Variants in IFT122 observed in about 807,000 individuals in gnomAD.
IFT122 encodes the protein intraflagellar transport 122, also known as intraflagellar transport protein 122 homolog.
In IFT122, 118 loss-of-function variants were observed where a neutral mutation model predicts 161.6. The ratio of observed to expected loss-of-function variants is 0.73; its 90% confidence interval spans 0.63 to 0.85. IFT122 has a LOEUF of 0.85. Ranked by LOEUF, IFT122 falls within the 40% of genes least tolerant of loss-of-function variation. The probability of loss-of-function intolerance (pLI) is 0.00; values close to 1 mark genes in which losing one functional copy is unlikely to be tolerated. For missense variants in IFT122, 1,381 were observed against 1,579.6 expected (o/e 0.87, Z 2.13); for synonymous variants, 550 against 602.4 (o/e 0.91, Z 1.27).
chr3:129,501,331 G>T (rs1577980672), intron 19 of IFT122, among the ~76,000 whole-genome samples: 1 of 152,298 alleles, frequency 6.6e-6, no homozygotes, highest in African/African-American at 2.4e-5. Flanking sequence ...ACAGGTAGCA[G>T]TGGCCCAGCC....
chr3:129,518,175 T>G (rs2084247806), intron 27 of IFT122, among the ~76,000 whole-genome samples: 1 of 152,186 alleles, frequency 6.6e-6, no homozygotes, highest in Non-Finnish European at 1.5e-5. Context: ...TCAGGAGCAG[T>G]GCCAGCCCCA....
At chr3:129,502,257 C>T (rs1277246989) in intron 19 of IFT122, among the ~76,000 whole-genome samples, 1 of 152,230 alleles carries the variant, frequency 6.6e-6, no homozygotes, top group Non-Finnish European at 1.5e-5. Context: ...CGTGAGAATT[C>T]CTGCACCCGT....
intron 23 of IFT122, among the ~76,000 whole-genome samples, chr3:129,511,796 A>G (rs2082866637): frequency 1.3e-5 from 2 of 152,232 alleles, no homozygotes; most frequent in Non-Finnish European, 2.9e-5. Flanking sequence ...GCTGTTGGAA[A>G]GCACAGAAGA....
At chr3:129,442,404 G>A (rs2073332787) in intron 1 of IFT122, among the ~76,000 whole-genome samples, 1 of 152,064 alleles carries the variant, frequency 6.6e-6, no homozygotes, top group African/African-American at 2.4e-5. Context: ...GTGGGTAGAT[G>A]TATTCATACG....
intron 14 of IFT122, among the ~76,000 whole-genome samples, chr3:129,482,309 G>C (rs1270744614): frequency 2.0e-5 from 3 of 152,226 alleles, no homozygotes; most frequent in Non-Finnish European, 4.4e-5. Context: ...AGACAGCCCG[G>C]CAGCTCTGTG....
Position 129,519,676 on chromosome 3 carries a change from T to A in IFT122, c.3580T>A (p.Tyr1194Asn). 6.2e-7 allele frequency: 1 copy of A among 1,613,752 alleles called. No homozygotes were observed. The highest frequency in any genetic ancestry group is 8.5e-7 in the Non-Finnish European group (1 of 1,179,996). ...KRWPPPLRWQ[Y>N]FRSLLPDASI... ...ATGGCCCCCACCCCTGAGGTGGCAA[T>A]ACTTCCGCTCACTGCTGCCTGACGC... is the stretch of plus-strand genomic sequence containing the variant. The change falls in exon 29 of 30, where the codon TAC (tyrosine) becomes AAC (asparagine). Residue 1194 changes from tyrosine to asparagine, a missense_variant. By Grantham distance (143) the Tyr-to-Asn change is moderately radical (BLOSUM62 -2). Around this residue, in one of 7 missense-constraint regions of IFT122, gnomAD observed 177 missense variants for 199.2 expected, o/e 0.89. Transcript: ENST00000348417.
rs1446186421 is a variant in IFT122, at chr3:129,520,170, C to T, written c.3637-6C>T. The T allele has an allele frequency of 1.2e-5, 20 of 1,610,536 alleles. No homozygotes were observed. The highest frequency in any genetic ancestry group is 1.7e-5 in the Non-Finnish European group (20 of 1,178,988). ...TCAGCCTGGTCTTACAGCTGTCTTC[C>T]CTTAGATGTTCCATTCTGAGGACTA... On this transcript the variant is annotated splice_polypyrimidine_tract_variant and splice_region_variant and intron_variant, in intron 29 of 29. Transcript: ENST00000348417.
chr3:129,503,617 A>G (rs1012373213), intron 20 of IFT122, among the ~76,000 whole-genome samples: 6 of 152,162 alleles, frequency 3.9e-5, no homozygotes, highest in African/African-American at 1.4e-4. Flanking sequence ...GTGAAAGCAA[A>G]GCCTTCACTG....
intron 25 of IFT122, 38 bp downstream of exon 25, chr3:129,514,592 C>T: frequency 6.2e-7 from 1 of 1,611,916 alleles, no homozygotes. Flanking sequence ...GGCTTCTCCT[C>T]TCCCTTGAGG....
At position 129,499,976 on chromosome 3, in the gene IFT122, CA is replaced by C. The variant is rs2081339145; in HGVS notation, c.2285del (p.Lys762ArgfsTer32). 2 of 1,614,188 alleles carry C rather than the reference CA, an allele frequency of 1.2e-6. No individual in the cohort carries two copies. Among genetic ancestry groups the C allele is most frequent in the Non-Finnish European group, 1.7e-6 (2 of 1,180,032 alleles). Reference sequence around the variant, plus strand: ...AACAGGCTGACTGGGCCAGAAATATCAAGGAGCCCAAAGCCGCCGTGGAGAT... The same window carrying C: ...AACAGGCTGACTGGGCCAGAAATATCAGGAGCCCAAAGCCGCCGTGGAGAT... ...TKQADWARNIKEPKAAVEMYI... is the reference protein window; with the variant it reads ...TKQADWARNIXEPKAAVEMYI... On this transcript the variant is annotated frameshift_variant, in exon 19 of 30. Transcript: ENST00000348417. LOFTEE classifies it high-confidence loss of function.
intron 1 of IFT122, among the ~76,000 whole-genome samples, chr3:129,441,352 G>GAC: frequency 6.6e-6 from 1 of 152,112 alleles, no homozygotes; most frequent in East Asian, 1.9e-4. Context: ...TTGGAGACGG[G>GAC]TCCTCTCTTT....
intron 27 of IFT122, among the ~76,000 whole-genome samples, chr3:129,518,575 C>T (rs569057224): frequency 2.0e-5 from 3 of 152,288 alleles, no homozygotes; most frequent in Non-Finnish European, 4.4e-5. Context: ...TGCTATGGTG[C>T]TGGCAGGTGG....
At position 129,495,756 on chromosome 3, in the gene IFT122, C is replaced by A; in HGVS notation, c.2208+149C>A. ...TGTGGGGAAACTGGTAAACAAAGGA[C>A]CCATCTACAGCCACTGGTTGAAACT... is the stretch of plus-strand genomic sequence containing the variant. On this transcript the variant is annotated intron_variant, in intron 18 of 29. Transcript: ENST00000348417. The A allele has an allele frequency of 4.1e-6, 4 of 975,722 alleles. No individual in the cohort carries two copies. In the South Asian group the frequency reaches 4.1e-5, roughly 10 times the overall value. The allele number at this position is 975,722 out of a possible 1,614,324, so 60.4% of individuals were successfully genotyped here. A position where few individuals can be genotyped will look rare whatever the true frequency, so the allele number is the denominator to read the frequency against.
At chr3:129,499,503 T>A (rs1458506883) in intron 18 of IFT122, among the ~76,000 whole-genome samples, 4 of 152,216 alleles carry the variant, frequency 2.6e-5, no homozygotes, top group African/African-American at 9.7e-5. Flanking sequence ...CTCATTGCTG[T>A]TTAGGAACAG....
intron 18 of IFT122, among the ~76,000 whole-genome samples, chr3:129,499,637 A>G (rs1490047105): frequency 6.6e-6 from 1 of 152,194 alleles, no homozygotes; most frequent in Non-Finnish European, 1.5e-5. Context: ...ACAAATGCCC[A>G]TTTGTGAGAC....
chr3:129,476,289 C>A (rs780701511), intron 9 of IFT122, 26 bp from the exon 10 acceptor site: 1 of 1,613,656 alleles, frequency 6.2e-7, no homozygotes, highest in Non-Finnish European at 8.5e-7. Flanking sequence ...ATGGTTTTTC[C>A]CTTGCTGTGT....
At chr3:129,494,123 G>C (rs1402839200) in intron 17 of IFT122, among the ~76,000 whole-genome samples, 1 of 152,170 alleles carries the variant, frequency 6.6e-6, no homozygotes, top group Non-Finnish European at 1.5e-5. Flanking sequence ...GAGTGCCATA[G>C]ATCGTTTTTA....
chr3:129,453,048 G>A (rs895105831), intron 3 of IFT122, among the ~76,000 whole-genome samples: 2 of 152,208 alleles, frequency 1.3e-5, no homozygotes, highest in African/African-American at 4.8e-5. Context: ...ACTGCAGGTA[G>A]AGAAAAGTTA....
intron 1 of IFT122, 78 bp downstream of exon 1, chr3:129,440,449 A>AG (rs1222109996): frequency 1.3e-6 from 2 of 1,510,928 alleles, no homozygotes; most frequent in Non-Finnish European, 1.8e-6. Flanking sequence ...AGCGTGTTTG[A>AG]GGGGGGCAGC....
Sources: allele counts gnomAD v4.1 joint callset (sites outside exome capture counted in the v4.1 genomes callset), GRCh38; gene constraint gnomAD v4.1.1; regional missense constraint gnomAD v4.1.1; transcripts MANE v1.5; gene names NCBI Gene and HGNC (gene_info 2026-07-23, HGNC 2026-07-21).